Variants in PI4KA observed in about 807,000 individuals in gnomAD.
PI4KA encodes phosphatidylinositol 4-kinase alpha.
A neutral mutation model predicts 271.4 loss-of-function variants in PI4KA; 122 were observed. The ratio of observed to expected loss-of-function variants is 0.45; its 90% CI spans 0.39 to 0.52. PI4KA has a LOEUF of 0.52. Among genes scored for constraint, PI4KA ranks in the 20% least tolerant of loss-of-function variants. The probability of loss-of-function intolerance (pLI) is 0.00; values close to 1 mark genes in which losing one functional copy is unlikely to be tolerated. For synonymous variants in PI4KA, 1,041 were observed against 1,078.8 expected (o/e 0.96, Z 0.69); for missense variants, 1,969 against 2,769.1 (o/e 0.71, Z 6.48).
intron 19 of PI4KA, chr22:20,779,748 A>G: frequency 1.9e-6 from 3 of 1,614,238 alleles, no homozygotes; most frequent in Non-Finnish European, 1.7e-6. Context: ...AGACCAGGTC[A>G]ACACTTTCGA....
Position 20,839,323 on chromosome 22 carries a change from G to C in PI4KA, c.157-592C>G, listed in dbSNP as rs368320869. Among the ~76,000 whole-genome samples the C allele has an allele frequency of 1.1e-4, 16 of 152,272 alleles. No individual in the cohort carries two copies. The South Asian group carries it at 2.9e-3, about 28-fold the overall frequency. On this transcript the variant is annotated intron_variant, in intron 1 of 54. Transcript: ENST00000255882. The stretch of plus-strand genomic sequence containing the variant: ...AAAAGATCACAGGACATCTCCAGCT[G>C]CTGAAACAATTGTACACGTGCCCCT...
At chr22:20,821,240 CG>C (rs1922616211) in intron 4 of PI4KA, among the ~76,000 whole-genome samples, 1 of 152,074 alleles carries the variant, frequency 6.6e-6, no homozygotes, top group African/African-American at 2.4e-5. Flanking sequence ...TTGTTTGAGA[CG>C]AAGTTTCGCT....
intron 29 of PI4KA, among the ~76,000 whole-genome samples, chr22:20,745,987 T>C (rs1930016764): frequency 7.0e-6 from 1 of 143,376 alleles, no homozygotes; most frequent in East Asian, 2.0e-4. Context: ...TACAGGTGCA[T>C]GTCACCACGC....
chr22:20,722,841 T>C (rs930876419), intron 42 of PI4KA, among the ~76,000 whole-genome samples: 3 of 152,226 alleles, frequency 2.0e-5, no homozygotes, highest in Admixed American at 2.0e-4. Context: ...TTCCCAATTC[T>C]AACCCGGCAA....
chr22:20,762,193 T>G (rs1019852991), intron 22 of PI4KA, among the ~76,000 whole-genome samples: 2 of 152,206 alleles, frequency 1.3e-5, no homozygotes, highest in African/African-American at 4.8e-5. Context: ...GGGGCTCCAC[T>G]AAGGCAGCAG....
Position 20,721,305 on chromosome 22 carries a change from C to T in PI4KA, c.5109G>A (p.Gln1703=). The T allele has an allele frequency of 1.2e-6, 2 of 1,614,046 alleles. No individual in the cohort carries two copies. Among genetic ancestry groups the T allele is most frequent in the Non-Finnish European group, 8.5e-7 (1 of 1,180,000 alleles). ...TNIYLDEEGH[Q]KDPDIGDLLD... ...GGAGGACAAAATACTCACGGTCTTT[C>T]TGGTGGCCCTCTTCATCTAGATAAA... The change falls in exon 43 of 55, where the codon CAG becomes CAA. Residue 1703 remains glutamine, a synonymous_variant. Coordinates refer to ENST00000255882, the MANE Select transcript of PI4KA (RefSeq NM_058004.4).
At chr22:20,812,986 C>A (rs539789415) in intron 8 of PI4KA, among the ~76,000 whole-genome samples, 1 of 152,264 alleles carries the variant, frequency 6.6e-6, no homozygotes, top group African/African-American at 2.4e-5. Context: ...GTTATTAACC[C>A]AAATAGAGCC....
rs1215872646 is a variant in PI4KA at position 20,740,577 on chromosome 22, T to C, written c.3741+1651A>G. Among the ~76,000 whole-genome samples the C allele has an allele frequency of 1.1e-4, 16 of 151,698 alleles. No individual in the cohort carries two copies. The East Asian group carries it at 3.1e-3, about 29-fold the overall frequency. ...ATGAATTCCAACAGGATAAATACAA[T>C]GAAATTCACACACAGTCAAACAACT... On this transcript the variant is annotated intron_variant, in intron 32 of 54. Transcript: ENST00000255882.
At chr22:20,824,695 A>G (rs1384495365) in intron 3 of PI4KA, among the ~76,000 whole-genome samples, 1 of 151,798 alleles carries the variant, frequency 6.6e-6, no homozygotes, top group African/African-American at 2.4e-5. Context: ...TCAACATGAC[A>G]GATTCAATTT....
chr22:20,823,730 G>A (rs1569074970), intron 4 of PI4KA, among the ~76,000 whole-genome samples: 2 of 152,078 alleles, frequency 1.3e-5, no homozygotes, highest in South Asian at 2.1e-4. Context: ...CTTGAGGCCC[G>A]GAGTTCAAGA....
chr22:20,781,405 C>G (rs1933788147), intron 19 of PI4KA, among the ~76,000 whole-genome samples: 1 of 152,210 alleles, frequency 6.6e-6, no homozygotes, highest in Non-Finnish European at 1.5e-5. Context: ...AAGGGCAGTA[C>G]TTGGAGGCCA....
rs751648112 is a variant in PI4KA, at chr22:20,752,986, A to G, written c.2904T>C (p.Ala968=). The change falls in exon 25 of 55, where the codon GCT becomes GCC. Residue 968 remains alanine, a synonymous_variant. Coordinates refer to ENST00000255882, the MANE Select transcript of PI4KA (RefSeq NM_058004.4). ...KENEEELERH[A]QFLLVNFNHI... is the part of the protein sequence containing the mutation. ...GGTTGAAGTTCACCAACAGGAACTG[A>G]GCGTGCCGCTCCAGCTCCTCCTCGT... 24 of 1,614,070 alleles carry G rather than the reference A, an allele frequency of 1.5e-5. No individual in the cohort carries two copies. Among genetic ancestry groups the G allele is most frequent in the Non-Finnish European group, 1.6e-5 (19 of 1,180,006 alleles).
chr22:20,842,094 G>T (rs1468299769), intron 1 of PI4KA, among the ~76,000 whole-genome samples: 2 of 152,086 alleles, frequency 1.3e-5, no homozygotes, highest in African/African-American at 4.8e-5. Flanking sequence ...CAGGCCCCGT[G>T]GCAGGTGCCT....
chr22:20,752,780 G>C (rs1373859620), intron 25 of PI4KA, 123 bp downstream of exon 25: 5 of 1,004,328 alleles, frequency 5.0e-6, no homozygotes, highest in Non-Finnish European at 7.6e-6. Context: ...ATCACCCTTA[G>C]GAGTTTTCAT....
intron 22 of PI4KA, 101 bp from the exon 23 acceptor site, chr22:20,761,487 C>A (rs1376859520): frequency 2.7e-6 from 2 of 753,506 alleles, no homozygotes; most frequent in Non-Finnish European, 4.8e-6. Flanking sequence ...AGAACATTTG[C>A]CCTCTGTCAT....
At chr22:20,856,429 ATC>A (rs1389411740) in intron 1 of PI4KA, among the ~76,000 whole-genome samples, 3 of 142,186 alleles carry the variant, frequency 2.1e-5, no homozygotes, top group African/African-American at 8.3e-5. Context: ...GTAAAATATA[ATC>A]TTTTTCTTTT....
intron 15 of PI4KA, 23 bp downstream of exon 15, chr22:20,799,648 G>C: frequency 6.6e-7 from 1 of 1,521,358 alleles, no homozygotes. Flanking sequence ...GGCTGCCTCT[G>C]AGAGACAGGA....
intron 10 of PI4KA, among the ~76,000 whole-genome samples, chr22:20,806,070 C>A (rs1935636521): frequency 6.6e-6 from 1 of 152,100 alleles, no homozygotes; most frequent in Non-Finnish European, 1.5e-5. Context: ...CAGGGGTAAT[C>A]CCTGATGCCC....
chr22:20,775,517 G>A (rs1933199418), intron 19 of PI4KA, among the ~76,000 whole-genome samples: 3 of 152,198 alleles, frequency 2.0e-5, no homozygotes, highest in Admixed American at 6.5e-5. Context: ...AAACATGCAT[G>A]TCTTTACTCT....
Sources: allele counts gnomAD v4.1 joint callset (sites outside exome capture counted in the v4.1 genomes callset), GRCh38; gene constraint gnomAD v4.1.1; transcripts MANE v1.5; gene names NCBI Gene and HGNC (gene_info 2026-07-23, HGNC 2026-07-21).